PTPRT: variants seen among roughly 807,000 people sequenced by gnomAD.
PTPRT encodes the protein receptor-type tyrosine-protein phosphatase T.
A neutral mutation model predicts 176.8 loss-of-function variants in PTPRT; 56 were observed. The ratio of observed to expected loss-of-function variants is 0.32; its 90% confidence interval spans 0.26 to 0.40. PTPRT has a LOEUF of 0.40. Among genes scored for constraint, PTPRT ranks in the 10% least tolerant of loss-of-function variants. The pLI is 1.00. For missense variants in PTPRT, 1,540 were observed against 1,908.2 expected (o/e 0.81, Z 3.60); for synonymous variants, 783 against 739.0 (o/e 1.06, Z -0.96).
At chr20:42,397,403 G>C (rs141546052) in intron 9 of PTPRT, among the ~76,000 whole-genome samples, 2 of 152,298 alleles carry the variant, frequency 1.3e-5, no homozygotes, top group East Asian at 1.9e-4. Context: ...TGTCACCCAG[G>C]TAGTGAGTGT....
intron 22 of PTPRT, among the ~76,000 whole-genome samples, chr20:42,113,820 A>G (rs1236547955): frequency 6.6e-6 from 1 of 152,188 alleles, no homozygotes; most frequent in Non-Finnish European, 1.5e-5. Context: ...TGAAGTACCG[A>G]TGGTTTCCTT....
At position 43,038,024 on chromosome 20, in the gene PTPRT, T is replaced by A. The variant is rs1471229324; in HGVS notation, c.88+151622A>T. On this transcript the variant is annotated intron_variant, in intron 1 of 30. Transcript: ENST00000373187. ...GACAGTAAAAAAATCTGACCTAAACTGCTTCTGTGGCTACACCTGACCTGA... is the reference window on the plus strand; with the variant it reads ...GACAGTAAAAAAATCTGACCTAAACAGCTTCTGTGGCTACACCTGACCTGA... Among the ~76,000 whole-genome samples, 229 of 151,910 alleles carry A rather than the reference T, an allele frequency of 1.5e-3. 1 individual carries two copies. The highest frequency in any genetic ancestry group is 5.2e-3 in the African/African-American group (216 of 41,192).
chr20:42,126,589 A>G (rs1987867397), intron 19 of PTPRT, among the ~76,000 whole-genome samples: 1 of 152,180 alleles, frequency 6.6e-6, no homozygotes, highest in Non-Finnish European at 1.5e-5. Context: ...CACCTCCTCC[A>G]GGGAGCCTTC....
intron 2 of PTPRT, among the ~76,000 whole-genome samples, chr20:42,856,988 C>G (rs747045566): frequency 1.3e-4 from 20 of 152,132 alleles, no homozygotes; most frequent in Non-Finnish European, 2.8e-4. Flanking sequence ...GAGTACATGC[C>G]TTCAATTTCT....
At chr20:43,060,209 G>A (rs1333583934) in intron 1 of PTPRT, among the ~76,000 whole-genome samples, 4 of 152,158 alleles carry the variant, frequency 2.6e-5, no homozygotes, top group South Asian at 4.2e-4. Flanking sequence ...GAACACCATA[G>A]ACTAAGTGAC....
At chr20:42,527,939 A>G (rs2072307764) in intron 7 of PTPRT, among the ~76,000 whole-genome samples, 1 of 152,336 alleles carries the variant, frequency 6.6e-6, no homozygotes, top group East Asian at 1.9e-4. Context: ...TCTAGTTAGT[A>G]GAATATAGAA....
At chr20:42,706,287 C>T (rs2076058126) in intron 6 of PTPRT, among the ~76,000 whole-genome samples, 1 of 151,104 alleles carries the variant, frequency 6.6e-6, no homozygotes, top group African/African-American at 2.4e-5. Flanking sequence ...GTTCTTGTAG[C>T]ATCTCAGGCC....
At chr20:42,347,977 G>A (rs1600868350) in intron 11 of PTPRT, among the ~76,000 whole-genome samples, 3 of 152,192 alleles carry the variant, frequency 2.0e-5, no homozygotes, top group South Asian at 2.1e-4. Flanking sequence ...GCCTCAAGAG[G>A]ACAGAGGTGT....
intron 1 of PTPRT, among the ~76,000 whole-genome samples, chr20:43,099,210 GA>G (rs1272996192): frequency 2.0e-5 from 3 of 152,092 alleles, no homozygotes; most frequent in African/African-American, 7.2e-5. Context: ...CCCAGGTTCA[GA>G]AAAGAATAAT....
At chr20:42,556,136 TC>T (rs1434818970) in intron 7 of PTPRT, among the ~76,000 whole-genome samples, 1 of 152,192 alleles carries the variant, frequency 6.6e-6, no homozygotes, top group Non-Finnish European at 1.5e-5. Context: ...CACTATCTCC[TC>T]AGGCAGGGAC....
At chr20:42,118,703 G>A (rs540486725) in intron 20 of PTPRT, among the ~76,000 whole-genome samples, 2 of 152,208 alleles carry the variant, frequency 1.3e-5, no homozygotes, top group East Asian at 3.9e-4. Context: ...ATGGGGAAAG[G>A]CTCATTCCAA....
intron 12 of PTPRT, among the ~76,000 whole-genome samples, chr20:42,301,892 A>G (rs2057474178): frequency 6.6e-6 from 1 of 152,190 alleles, no homozygotes; most frequent in South Asian, 2.1e-4. Flanking sequence ...ATCATTGTTG[A>G]AGCTGAGTGA....
intron 7 of PTPRT, among the ~76,000 whole-genome samples, chr20:42,588,517 AG>A (rs2073512099): frequency 6.6e-6 from 1 of 152,178 alleles, no homozygotes; most frequent in African/African-American, 2.4e-5. Flanking sequence ...CTCTGCTATA[AG>A]GAACACACCA....
intron 1 of PTPRT, among the ~76,000 whole-genome samples, chr20:42,949,219 C>A (rs546458103): frequency 6.6e-6 from 1 of 152,242 alleles, no homozygotes; most frequent in Non-Finnish European, 1.5e-5. Context: ...TATTCCTACT[C>A]TCCCTTTGCA....
intron 2 of PTPRT, among the ~76,000 whole-genome samples, chr20:42,880,125 T>C (rs1322349768): frequency 6.6e-6 from 1 of 152,076 alleles, no homozygotes; most frequent in African/African-American, 2.4e-5. Context: ...GGGGGGTTTG[T>C]GGGTGGTGCA....
chr20:42,829,266 G>C (rs2078048995), intron 2 of PTPRT, among the ~76,000 whole-genome samples: 2 of 152,152 alleles, frequency 1.3e-5, no homozygotes, highest in African/African-American at 4.8e-5. Flanking sequence ...ATTTGGAATG[G>C]GTGTATTTAC....
intron 7 of PTPRT, among the ~76,000 whole-genome samples, chr20:42,645,377 T>C (rs990994307): frequency 2.0e-5 from 3 of 152,190 alleles, no homozygotes; most frequent in Non-Finnish European, 4.4e-5. Flanking sequence ...TTCTAAGGTA[T>C]ATGTGTGTCC....
intron 9 of PTPRT, among the ~76,000 whole-genome samples, chr20:42,389,711 T>C (rs1316710996): frequency 6.6e-6 from 1 of 151,774 alleles, no homozygotes; most frequent in Admixed American, 6.6e-5. Context: ...GAAATACAGC[T>C]GGGCATGGTG....
intron 7 of PTPRT, among the ~76,000 whole-genome samples, chr20:42,553,305 C>T (rs2072801103): frequency 6.6e-6 from 1 of 152,070 alleles, no homozygotes; most frequent in Non-Finnish European, 1.5e-5. Flanking sequence ...ACACATTTTT[C>T]CTTTCTTTCT....
Sources: allele counts gnomAD v4.1 joint callset (sites outside exome capture counted in the v4.1 genomes callset), GRCh38; gene constraint gnomAD v4.1.1; transcripts MANE v1.5; gene names NCBI Gene and HGNC (gene_info 2026-07-23, HGNC 2026-07-21).